Variants in PBXIP1 observed in about 807,000 individuals in gnomAD.
PBXIP1 encodes PBX homeobox interacting protein 1, also known as pre-B-cell leukemia transcription factor-interacting protein 1.
PBXIP1 carries 73 observed loss-of-function variants against 73.7 expected under a neutral mutation model. The observed-to-expected ratio is 0.99, with a 90% CI of 0.82 to 1.20. The LOEUF is 1.20. Among genes scored for constraint, PBXIP1 ranks in the 50% most tolerant of loss-of-function variants. PBXIP1 has a pLI of 0.00. For missense variants in PBXIP1, 818 were observed against 911.4 expected (o/e 0.90, Z 1.32); for synonymous variants, 330 against 366.9 (o/e 0.90, Z 1.15).
chr1:154,952,501 G>T (rs1004259148), intron 2 of PBXIP1, among the ~76,000 whole-genome samples: 1 of 152,098 alleles, frequency 6.6e-6, no homozygotes, highest in South Asian at 2.1e-4. Context: ...TGGACATCCA[G>T]CCCTGGCCAC....
intron 2 of PBXIP1, among the ~76,000 whole-genome samples, chr1:154,952,491 T>A (rs533929523): frequency 6.6e-6 from 1 of 152,236 alleles, no homozygotes; most frequent in South Asian, 2.1e-4. Context: ...ACTCTCAGCC[T>A]GGACATCCAG....
Position 154,946,094 on chromosome 1 carries a change from G to A in PBXIP1, c.1580C>T (p.Ser527Leu), listed in dbSNP as rs775493267. The change falls in exon 10 of 11, where the codon TCG becomes TTG. Residue 527 changes from serine to leucine, a missense_variant. Coordinates refer to ENST00000368463, the MANE Select transcript of PBXIP1 (RefSeq NM_020524.4). ...WKEGRPRVEE[S>L]GSKKEGKRQG... ...TCGCTTGCCCTCCTTCTTGCTCCCCGACTCCTCCACCCTTGGCCTGCCCTC... is the reference window on the plus strand; with the variant it reads ...TCGCTTGCCCTCCTTCTTGCTCCCCAACTCCTCCACCCTTGGCCTGCCCTC... The A allele has an allele frequency of 1.2e-5, 20 of 1,613,852 alleles. No homozygotes were observed. The Admixed American group carries it at 2.0e-4, about 16-fold the overall frequency.
At chr1:154,954,262 C>A (rs1655103978) in intron 1 of PBXIP1, among the ~76,000 whole-genome samples, 1 of 152,242 alleles carries the variant, frequency 6.6e-6, no homozygotes, top group African/African-American at 2.4e-5. Context: ...CCCTAAGTGT[C>A]CCACCACTTG....
Position 154,946,811 on chromosome 1 carries a change from A to G in PBXIP1, c.871-8T>C. 8 of 1,520,744 alleles carry G rather than the reference A, an allele frequency of 5.3e-6. No individual in the cohort carries two copies. The highest frequency in any genetic ancestry group is 2.2e-5 in the Admixed American group (1 of 45,320). The allele number at this position is 1,520,744 out of a possible 1,614,324, so 94.2% of individuals were successfully genotyped here. Reference sequence around the variant, plus strand: ...AAGCTCTTCCTTTTGGGCCTAGAATATGGTTTGGGACAAAGGAAGTCACAA... The same window carrying G: ...AAGCTCTTCCTTTTGGGCCTAGAATGTGGTTTGGGACAAAGGAAGTCACAA... On this transcript the variant is annotated splice_polypyrimidine_tract_variant and splice_region_variant and intron_variant, in intron 9 of 10. Transcript: ENST00000368463.
intron 7 of PBXIP1, 110 bp from the exon 8 acceptor site, chr1:154,947,822 T>C: frequency 7.1e-7 from 1 of 1,406,206 alleles, no homozygotes; most frequent in Non-Finnish European, 1.0e-6. Context: ...ACCCTGTGGC[T>C]GAGCGGTTTG....
At position 154,948,219 on chromosome 1, in the gene PBXIP1, C is replaced by A. The variant is rs747077573; in HGVS notation, c.557G>T (p.Gly186Val). 4.2e-5 allele frequency: 68 copies of A among 1,612,164 alleles called. 1 individual carries two copies. The highest frequency in any genetic ancestry group is 5.4e-5 in the Non-Finnish European group (64 of 1,179,156). Residue 186 changes from glycine to valine, a missense_variant, in exon 6 of 11, where the codon GGT becomes GTT. Physicochemically the swap from Gly to Val is moderately radical, Grantham distance 109. Transcript: ENST00000368463. ...GGAGATGCCCAGCTCCCCGCCTGCA[C>A]CCTCACCCCCAGCCTGGTTCTCCAC... ...LAVENQAGGE[G>V]AGGELGISLN...
intron 5 of PBXIP1, 97 bp from the exon 6 acceptor site, chr1:154,948,463 C>A: frequency 2.3e-6 from 2 of 881,254 alleles, no homozygotes; most frequent in Non-Finnish European, 1.7e-6. Flanking sequence ...GGAGGGAGGT[C>A]GTCAGCCCTG....
chr1:154,948,542 C>T (rs1654911465), intron 5 of PBXIP1, 176 bp from the exon 6 acceptor site: 1 of 580,084 alleles, frequency 1.7e-6, no homozygotes, highest in African/African-American at 1.9e-5. Context: ...ATGACTGTCC[C>T]TGCCCAGTCT....
chr1:154,945,681 C>T lies in PBXIP1; in HGVS notation c.1993G>A (p.Asp665Asn), dbSNP rs757570427. ...TGCACAGCCACCTCCTCCAAGCTGTCCTCCAGGGCATCCACAAAATCCCGG... is the reference window on the plus strand; with the variant it reads ...TGCACAGCCACCTCCTCCAAGCTGTTCTCCAGGGCATCCACAAAATCCCGG... ...RFRDFVDALE[D>N]SLEEVAVQQT... The change falls in exon 10 of 11, where the codon GAC (aspartate) becomes AAC (asparagine). Residue 665 changes from aspartate to asparagine, a missense_variant. Coordinates refer to ENST00000368463, the MANE Select transcript of PBXIP1 (RefSeq NM_020524.4). 5 of 1,614,216 alleles carry T rather than the reference C, an allele frequency of 3.1e-6. No homozygotes were observed. The highest frequency in any genetic ancestry group is 3.4e-6 in the Non-Finnish European group (4 of 1,180,048).
At position 154,951,290 on chromosome 1, in the gene PBXIP1, G is replaced by A. The variant is rs201578861; in HGVS notation, c.351C>T (p.Asp117=). The change falls in exon 5 of 11, where the codon GAC becomes GAT. Residue 117 remains aspartate (D), a synonymous_variant. Transcript: ENST00000368463. This position sits in a 1 kb window ranked among gnomAD's most constrained non-coding sequence, Gnocchi z 4.3. The stretch of plus-strand genomic sequence containing the variant: ...GGCTCTGGCCTTCCAGGTCCTGTGT[G>A]TCTGGTCCCAGGCCTGTCACCACGG... ...ETTVVTGLGP[D]TQDLEGQSPP... The A allele has an allele frequency of 2.2e-4, 361 of 1,614,124 alleles. 4 individuals carry two copies. In the South Asian group the frequency reaches 3.8e-3, roughly 17 times the overall value.
intron 5 of PBXIP1, among the ~76,000 whole-genome samples, chr1:154,950,815 T>G (rs78700749): frequency 0.021 from 3,127 of 152,278 alleles, 94 homozygotes; most frequent in African/African-American, 0.071. Flanking sequence ...CCTTTGGGAG[T>G]ACCTTAATTA....
At chr1:154,947,372 G>T in intron 9 of PBXIP1, 45 bp downstream of exon 9, 1 of 1,609,486 alleles carries the variant, frequency 6.2e-7, no homozygotes, top group Non-Finnish European at 8.5e-7. Flanking sequence ...CAGACGCCTG[G>T]CCTAGGTGGG....
rs1329426240 is a variant in PBXIP1 at position 154,951,996 on chromosome 1, T to C, written c.52-75A>G. On this transcript the variant is annotated intron_variant, in intron 2 of 10. Coordinates refer to ENST00000368463, the MANE Select transcript of PBXIP1 (RefSeq NM_020524.4). The surrounding 1 kb of genome is among the most constrained non-coding windows in gnomAD (Gnocchi z 4.3). ...AGCCCACATCCCAGAAACACACACA[T>C]TCAGTCATGAGCTGGCCCAAAAAGG... The C allele has an allele frequency of 4.6e-6, 7 of 1,515,386 alleles. No individual in the cohort carries two copies. In the African/African-American group the frequency reaches 8.4e-5, roughly 18 times the overall value. 93.9% of individuals were successfully genotyped at this position (1,515,386 alleles called of 1,614,324 possible).
chr1:154,953,824 T>C, intron 1 of PBXIP1, 67 bp from the exon 2 acceptor site: 1 of 1,040,924 alleles, frequency 9.6e-7, no homozygotes, highest in Non-Finnish European at 1.4e-6. Context: ...GAAAGCAGCC[T>C]TGGCTGGGTT....
At chr1:154,949,984 TTTTA>T (rs1654954192) in intron 5 of PBXIP1, among the ~76,000 whole-genome samples, 1 of 151,570 alleles carries the variant, frequency 6.6e-6, no homozygotes, top group Non-Finnish European at 1.5e-5. Flanking sequence ...CTATTTTTAT[TTTTA>T]TTTATTTTAT....
In PBXIP1 at chr1:154,946,794, C is replaced by T. The variant is rs761113293; in HGVS notation, c.880G>A (p.Glu294Lys). 9 of 1,529,754 alleles carry T rather than the reference C, an allele frequency of 5.9e-6. No individual in the cohort carries two copies. The highest frequency in any genetic ancestry group is 6.1e-6 in the Non-Finnish European group (7 of 1,139,818). The allele number at this position is 1,529,754 out of a possible 1,614,324, so 94.8% of individuals were successfully genotyped here. ...TGGTGCATCAGGCTCTGAAGCTCTTCCTTTTGGGCCTAGAATATGGTTTGG... is the reference window on the plus strand; with the variant it reads ...TGGTGCATCAGGCTCTGAAGCTCTTTCTTTTGGGCCTAGAATATGGTTTGG... ...LLQAQLQAQK[E>K]ELQSLMHQPK... Residue 294 changes from glutamate (E) to lysine (K), a missense_variant, in exon 10 of 11, where the codon GAA (glutamate) becomes AAA (lysine). Transcript: ENST00000368463.
intron 2 of PBXIP1, among the ~76,000 whole-genome samples, 193 bp downstream of exon 2, chr1:154,953,478 G>A (rs531720616): frequency 6.6e-6 from 1 of 152,174 alleles, no homozygotes; most frequent in African/African-American, 2.4e-5. Context: ...TTCATGGCAT[G>A]GTCCAAGTGC....
At chr1:154,945,205 A>G (rs1654761671) in intron 10 of PBXIP1, 88 bp from the exon 11 acceptor site, 1 of 951,912 alleles carries the variant, frequency 1.1e-6, no homozygotes, top group Non-Finnish European at 1.6e-6. Flanking sequence ...CTCCCAATGA[A>G]GCTGACTTGA....
In PBXIP1 at chr1:154,946,680, G is replaced by T; in HGVS notation, c.994C>A (p.Gln332Lys). 1 of 1,613,000 alleles carries T rather than the reference G, an allele frequency of 6.2e-7. No homozygotes were observed. Among genetic ancestry groups the T allele is most frequent in the East Asian group, 2.2e-5 (1 of 44,854 alleles). ...AFQRALESEL[Q>K]QLRARLQGLE... ...CCCTGGAGCCGGGCCCGCAGCTGCT[G>T]CAGCTCTGACTCCAGAGCCCGCTGG... is the stretch of plus-strand genomic sequence containing the variant. The change falls in exon 10 of 11, where the codon CAG becomes AAG. Residue 332 changes from glutamine to lysine, a missense_variant. Transcript: ENST00000368463.
Sources: allele counts gnomAD v4.1 joint callset (sites outside exome capture counted in the v4.1 genomes callset), GRCh38; gene constraint gnomAD v4.1.1; non-coding constraint Gnocchi (gnomAD v3.1); transcripts MANE v1.5; gene names NCBI Gene and HGNC (gene_info 2026-07-23, HGNC 2026-07-21).